The following POU6F2 variants were observed in gnomAD, a reference collection of about 807,000 sequenced individuals.
POU6F2 encodes the protein POU class 6 homeobox 2.
Under a neutral mutation model 71.3 loss-of-function variants are expected in POU6F2, and 31 were observed. The observed-to-expected ratio is 0.43, with a 90% CI of 0.33 to 0.59. The LOEUF (loss-of-function observed/expected upper bound fraction) is 0.59. POU6F2 is among the 20% of genes least tolerant of loss of function. POU6F2 has a pLI of 0.04. For synonymous variants in POU6F2, 347 were observed against 355.7 expected, an observed-to-expected ratio of 0.98 and a Z score of 0.27; for missense variants, 783 against 856.8, an observed-to-expected ratio of 0.91 and a Z score of 1.07.
chr7:39,397,814 GTA>G lies in POU6F2; in HGVS notation c.973-8767_973-8766del, dbSNP rs150006644. ...ATAATATGTATTTTATATATTTTGTGTATATATATATATATATATAGTAGAGA... is the reference window on the plus strand; with the variant it reads ...ATAATATGTATTTTATATATTTTGTGTATATATATATATATATAGTAGAGA... On this transcript the variant is annotated intron_variant, in intron 5 of 9. Transcript: ENST00000518318. 5.9e-3 allele frequency among the ~76,000 whole-genome samples: 759 copies of G among 128,332 alleles called. 14 individuals are homozygous for G. Among genetic ancestry groups the G allele is most frequent in the African/African-American group, 0.021 (657 of 30,622 alleles). 84.2% of individuals were successfully genotyped at this position (128,332 alleles called of 152,430 possible).
At chr7:39,373,311 C>T (rs761318780) in intron 5 of POU6F2, among the ~76,000 whole-genome samples, 18 of 152,100 alleles carry the variant, frequency 1.2e-4, no homozygotes, top group Non-Finnish European at 1.6e-4. Flanking sequence ...GGACGCTGAG[C>T]GGTTTCCACA....
intron 1 of POU6F2, among the ~76,000 whole-genome samples, chr7:38,998,816 ATTTTTT>A (rs757703122): frequency 2.6e-5 from 3 of 116,580 alleles, no homozygotes; most frequent in Admixed American, 1.8e-4. Flanking sequence ...CACCCGGCTA[ATTTTTT>A]TTTTTTTTTT....
rs1291480508 is a variant in POU6F2, at chr7:39,460,074, G to C, written c.1490-473G>C. Among the ~76,000 whole-genome samples, 1 of 152,170 alleles carries C rather than the reference G, an allele frequency of 6.6e-6. No individual in the cohort carries two copies. The highest frequency in any genetic ancestry group is 1.5e-5 in the Non-Finnish European group (1 of 68,024). On this transcript the variant is annotated intron_variant, in intron 8 of 9. Coordinates refer to ENST00000518318, the MANE Select transcript of POU6F2 (RefSeq NM_001370959.1). The surrounding 1 kb of genome is among the most constrained non-coding windows in gnomAD (Gnocchi z 4.4). ...TAGCTGTTAGCCTGACTGCTTTGGC[G>C]ATCAGTTGAAGGAAAAATACAAAAT...
intron 4 of POU6F2, among the ~76,000 whole-genome samples, chr7:39,318,225 C>A (rs1293968689): frequency 6.6e-6 from 1 of 152,098 alleles, no homozygotes; most frequent in Non-Finnish European, 1.5e-5. Context: ...GCACCCAGCA[C>A]AGTGCCAGGA....
intron 2 of POU6F2, among the ~76,000 whole-genome samples, chr7:39,164,733 A>G (rs999884968): frequency 6.6e-6 from 1 of 152,016 alleles, no homozygotes; most frequent in African/African-American, 2.4e-5. Flanking sequence ...AGCGAAGGAA[A>G]GGAATGAAGA....
intron 1 of POU6F2, among the ~76,000 whole-genome samples, chr7:39,022,281 C>G (rs1789695140): frequency 6.6e-6 from 1 of 152,008 alleles, no homozygotes; most frequent in South Asian, 2.1e-4. Context: ...AAAATGCCTT[C>G]TCAAAATTCA....
chr7:39,237,403 C>T (rs1405157675), intron 4 of POU6F2, among the ~76,000 whole-genome samples: 1 of 152,136 alleles, frequency 6.6e-6, no homozygotes, highest in Non-Finnish European at 1.5e-5. Context: ...GAATGGGGCC[C>T]TTGAAATTTT....
At chr7:39,243,162 T>G (rs1401186841) in intron 4 of POU6F2, among the ~76,000 whole-genome samples, 1 of 152,196 alleles carries the variant, frequency 6.6e-6, no homozygotes, top group Non-Finnish European at 1.5e-5. Context: ...GCACATATTA[T>G]ATTATTTGAA....
At chr7:39,024,758 A>G (rs1789761451) in intron 1 of POU6F2, among the ~76,000 whole-genome samples, 1 of 152,196 alleles carries the variant, frequency 6.6e-6, no homozygotes, top group African/African-American at 2.4e-5. Context: ...ATCTATTGAG[A>G]TAATCATGTG....
At chr7:39,387,174 A>G (rs1051244201) in intron 5 of POU6F2, among the ~76,000 whole-genome samples, 15 of 152,172 alleles carry the variant, frequency 9.9e-5, no homozygotes, top group Non-Finnish European at 1.8e-4. Flanking sequence ...GTCTCTCCAC[A>G]GTGGTTGTCT....
intron 6 of POU6F2, among the ~76,000 whole-genome samples, chr7:39,427,622 C>A (rs983096495): frequency 1.3e-5 from 2 of 152,002 alleles, no homozygotes; most frequent in African/African-American, 4.8e-5. Context: ...ATGATGCTAG[C>A]GTTAACAAAA....
chr7:39,242,508 T>A (rs142251967), intron 4 of POU6F2, among the ~76,000 whole-genome samples: 1 of 152,102 alleles, frequency 6.6e-6, no homozygotes, highest in African/African-American at 2.4e-5. Context: ...CTACTCTGTA[T>A]CTTTTTCAGT....
Position 39,085,965 on chromosome 7 carries a change from C to G in POU6F2, c.211C>G (p.Leu71Val). 1 of 1,613,780 alleles carries G rather than the reference C, an allele frequency of 6.2e-7. No homozygotes were observed. The highest frequency in any genetic ancestry group is 8.5e-7 in the Non-Finnish European group (1 of 1,179,806). ...CAAGGCTGCTACTTCAGACAGCGAGCTGAATGAGCCCCTGCTTGCGCCTGT... is the reference window on the plus strand; with the variant it reads ...CAAGGCTGCTACTTCAGACAGCGAGGTGAATGAGCCCCTGCTTGCGCCTGT... Reference protein sequence around the residue: ...EDKAATSDSELNEPLLAPVES... With the variant: ...EDKAATSDSEVNEPLLAPVES... Residue 71 changes from leucine to valine, a missense_variant, in exon 2 of 10, where the codon CTG (leucine) becomes GTG (valine). Leu to Val is a conservative substitution (Grantham distance 32, BLOSUM62 1). This residue lies in a region of POU6F2 where 572 missense variants were observed against 572.9 expected (regional missense o/e 1.00). Coordinates refer to ENST00000518318, the MANE Select transcript of POU6F2 (RefSeq NM_001370959.1).
At chr7:39,183,278 T>C (rs978073681) in intron 2 of POU6F2, among the ~76,000 whole-genome samples, 1 of 152,200 alleles carries the variant, frequency 6.6e-6, no homozygotes, top group African/African-American at 2.4e-5. Context: ...CTCACACTGC[T>C]ATAAATAACT....
At chr7:38,978,656 A>G (rs1788239560) in intron 1 of POU6F2, among the ~76,000 whole-genome samples, 1 of 152,184 alleles carries the variant, frequency 6.6e-6, no homozygotes, top group African/African-American at 2.4e-5. Flanking sequence ...TGAAAGGTCC[A>G]GGTGGTCTGC....
chr7:39,028,444 T>C (rs375991618), intron 1 of POU6F2, among the ~76,000 whole-genome samples: 5 of 152,172 alleles, frequency 3.3e-5, no homozygotes, highest in South Asian at 2.1e-4. Flanking sequence ...TTTAAAAATA[T>C]TGCTTTGCTG....
At chr7:39,117,561 A>G (rs1284962469) in intron 2 of POU6F2, among the ~76,000 whole-genome samples, 1 of 152,188 alleles carries the variant, frequency 6.6e-6, no homozygotes, top group Non-Finnish European at 1.5e-5. Flanking sequence ...TGGAAGAAGG[A>G]AAATGGATGA....
chr7:39,157,940 G>C (rs1351905536), intron 2 of POU6F2, among the ~76,000 whole-genome samples: 1 of 152,188 alleles, frequency 6.6e-6, no homozygotes, highest in Non-Finnish European at 1.5e-5. Flanking sequence ...CTTGGAGTAA[G>C]ATGTTTAATA....
Position 39,467,405 on chromosome 7 carries a change from G to A in POU6F2, c.*2719G>A, listed in dbSNP as rs1789096636. ...TGTCTACTTGTAAACAACTTCATAT[G>A]CCAATGGCGTTTAAGTGTCTTTTAT... On this transcript the variant is annotated 3_prime_UTR_variant, in exon 10 of 10. Coordinates refer to ENST00000518318, the MANE Select transcript of POU6F2 (RefSeq NM_001370959.1). 1 of 152,126 alleles carries A rather than the reference G, an allele frequency of 6.6e-6. No homozygotes were observed. The allele number at this position is 152,126 out of a possible 1,614,324, so 9.4% of individuals were successfully genotyped here.
Sources: allele counts gnomAD v4.1 joint callset (sites outside exome capture counted in the v4.1 genomes callset), GRCh38; gene constraint gnomAD v4.1.1; regional missense constraint gnomAD v4.1.1; non-coding constraint Gnocchi (gnomAD v3.1); transcripts MANE v1.5; gene names NCBI Gene and HGNC (gene_info 2026-07-23, HGNC 2026-07-21).